Variants in VDAC1 observed in about 807,000 individuals in gnomAD.
VDAC1 encodes the protein non-selective voltage-gated ion channel VDAC1.
A neutral mutation model predicts 34.7 loss-of-function variants in VDAC1; 10 were observed. The observed-to-expected ratio is 0.29, with a 90% CI of 0.18 to 0.49. The LOEUF (loss-of-function observed/expected upper bound fraction) is 0.49, where lower values mean the gene tolerates loss of function less well. VDAC1 is among the 20% of genes least tolerant of loss of function. The pLI is 0.99. For missense variants in VDAC1, 230 were observed against 347.9 expected, an observed-to-expected ratio of 0.66 and a Z score of 2.69; for synonymous variants, 130 against 136.0, an observed-to-expected ratio of 0.96 and a Z score of 0.30.
chr5:134,031,757 C>G, the VDAC1 span, among the ~76,000 whole-genome samples: 1 of 151,900 alleles, frequency 6.6e-6, no homozygotes, highest in Non-Finnish European at 1.5e-5. Context: ...TTCAGACCAG[C>G]CTGGCCAACA....
chr5:133,988,655 T>G (rs1380518616), intron 5 of VDAC1: 1 of 152,182 alleles, frequency 6.6e-6, no homozygotes, highest in East Asian at 1.9e-4. Flanking sequence ...TCCCAGCTAC[T>G]TGGGAGGCTG....
chr5:134,055,619 T>TTTTTTTTC, the VDAC1 span, among the ~76,000 whole-genome samples: 1 of 109,444 alleles, frequency 9.1e-6, no homozygotes, highest in Admixed American at 1.0e-4. Flanking sequence ...TTTTTTTTTT[T>TTTTTTTTC]AGTAGAGACA....
the VDAC1 span, among the ~76,000 whole-genome samples, chr5:134,086,791 A>G: frequency 3.9e-4 from 59 of 152,236 alleles, no homozygotes; most frequent in African/African-American, 1.3e-3. Context: ...GACTCAGCAC[A>G]TTCCCATCCC....
chr5:134,072,880 G>A, the VDAC1 span, among the ~76,000 whole-genome samples: 10 of 152,118 alleles, frequency 6.6e-5, no homozygotes, highest in Admixed American at 4.6e-4. Flanking sequence ...GTGGTCTCCC[G>A]TTGTTTCTGT....
chr5:134,005,599 A>G (rs538823286), upstream of VDAC1: 1 of 152,312 alleles, frequency 6.6e-6, no homozygotes, highest in South Asian at 2.1e-4. Flanking sequence ...CGGCGCGAGG[A>G]GATCACGCCG....
intron 5 of VDAC1, among the ~76,000 whole-genome samples, chr5:133,984,200 T>C (rs964207048): frequency 6.6e-6 from 1 of 151,938 alleles, no homozygotes; most frequent in Non-Finnish European, 1.5e-5. Context: ...GAACTGACTA[T>C]AGGTGCGCAC....
chr5:134,114,512 C>A, the VDAC1 span, among the ~76,000 whole-genome samples: 4 of 152,222 alleles, frequency 2.6e-5, no homozygotes, highest in East Asian at 1.9e-4. Flanking sequence ...GAAGGGTGAT[C>A]ATTCCCAGGC....
chr5:133,991,107 C>T lies in VDAC1; in HGVS notation c.165G>A (p.Thr55=), dbSNP rs556113860. ...ATCTGTACTTGGTTTCCAGACTGCC[C>T]GTCACTTTGGTGGTCTCAGTGTTGG... ...GSANTETTKV[T]GSLETKYRWT... Residue 55 remains threonine, a synonymous_variant, in exon 4 of 9, where the codon ACG becomes ACA. Transcript: ENST00000265333. 24 of 1,613,602 alleles carry T rather than the reference C, an allele frequency of 1.5e-5. No homozygotes were observed. In the East Asian group the frequency reaches 1.8e-4, roughly 12 times the overall value.
the VDAC1 span, among the ~76,000 whole-genome samples, chr5:134,040,425 A>G: frequency 1.8e-3 from 275 of 152,288 alleles, no homozygotes; most frequent in African/African-American, 6.3e-3. Flanking sequence ...AAATACAAAA[A>G]TTAACTGGGT....
the VDAC1 span, among the ~76,000 whole-genome samples, chr5:134,097,927 C>T: frequency 3.3e-5 from 5 of 151,840 alleles, no homozygotes; most frequent in East Asian, 3.9e-4. Flanking sequence ...TGGAGTGCAA[C>T]GGCAAGATCT....
chr5:134,028,486 T>C, the VDAC1 span, among the ~76,000 whole-genome samples: 1 of 152,186 alleles, frequency 6.6e-6, no homozygotes, highest in South Asian at 2.1e-4. Flanking sequence ...TATGTAGGCT[T>C]GGTGATCATC....
chr5:134,078,866 C>G, the VDAC1 span, among the ~76,000 whole-genome samples: 197 of 151,928 alleles, frequency 1.3e-3, no homozygotes, highest in African/African-American at 4.5e-3. Flanking sequence ...GGCCAGGCTG[C>G]TCTCAAACTC....
At chr5:134,111,427 G>T in the VDAC1 span, among the ~76,000 whole-genome samples, 2 of 152,076 alleles carry the variant, frequency 1.3e-5, no homozygotes, top group Non-Finnish European at 2.9e-5. Flanking sequence ...CTCCAGGGGG[G>T]CAACCACAGC....
chr5:134,053,831 CATTCTCT>C, the VDAC1 span, among the ~76,000 whole-genome samples: 1 of 152,174 alleles, frequency 6.6e-6, no homozygotes, highest in Non-Finnish European at 1.5e-5. Flanking sequence ...GGCTTCTTTC[CATTCTCT>C]ATCTTTATGG....
chr5:134,050,466 C>G, the VDAC1 span, among the ~76,000 whole-genome samples: 1 of 152,088 alleles, frequency 6.6e-6, no homozygotes, highest in East Asian at 1.9e-4. Flanking sequence ...TTCCAAGCCC[C>G]CCCAGCAACT....
chr5:133,992,805 C>T (rs1013384296), intron 2 of VDAC1, 141 bp downstream of exon 2: 3 of 811,590 alleles, frequency 3.7e-6, no homozygotes, highest in Admixed American at 6.6e-5. Context: ...AATTGCCACA[C>T]AAATGAAAGC....
the VDAC1 span, among the ~76,000 whole-genome samples, chr5:134,090,731 T>C: frequency 1.3e-3 from 201 of 152,346 alleles, no homozygotes; most frequent in South Asian, 2.3e-3. Context: ...AACCACCGAA[T>C]GCTTCTAAAA....
the VDAC1 span, among the ~76,000 whole-genome samples, chr5:134,034,821 A>G: frequency 6.6e-6 from 1 of 152,012 alleles, no homozygotes. Context: ...TAAGGAAAGG[A>G]GCAAGGTTAA....
chr5:134,101,975 C>T, the VDAC1 span, among the ~76,000 whole-genome samples: 9 of 152,346 alleles, frequency 5.9e-5, no homozygotes, highest in African/African-American at 1.7e-4. Flanking sequence ...GGAGTCCAGG[C>T]GAGAACGCTG....
Sources: gnomAD v4.1 joint callset for allele counts (sites outside exome capture counted in the v4.1 genomes callset) on GRCh38, gnomAD v4.1.1 for gene constraint, MANE v1.5 for transcripts, NCBI Gene and HGNC (gene_info 2026-07-23, HGNC 2026-07-21) for gene names.